The following LIMD1 variants were observed in gnomAD, a reference collection of about 807,000 sequenced individuals.
LIMD1 encodes LIM domain-containing protein 1.
In LIMD1, 23 loss-of-function variants were observed where a neutral mutation model predicts 58.4. That is an observed-to-expected ratio of 0.39 (90% CI 0.28 to 0.56). The LOEUF (loss-of-function observed/expected upper bound fraction) is 0.56. Ranked by LOEUF, LIMD1 falls within the 20% of genes least tolerant of loss-of-function variation. LIMD1 has a pLI of 0.57. For missense variants in LIMD1, 838 were observed against 855.5 expected (o/e 0.98, Z 0.25); for synonymous variants, 334 against 345.5 (o/e 0.97, Z 0.37).
intron 2 of LIMD1, among the ~76,000 whole-genome samples, chr3:45,657,965 G>A (rs1697364782): frequency 6.6e-6 from 1 of 152,182 alleles, no homozygotes; most frequent in African/African-American, 2.4e-5. Context: ...TGATGGCTTT[G>A]AGTAGGAAAT....
chr3:45,596,660 C>G (rs146924896), intron 1 of LIMD1, among the ~76,000 whole-genome samples: 154 of 152,142 alleles, frequency 1.0e-3, no homozygotes, highest in African/African-American at 3.6e-3. Flanking sequence ...CCAGCTTTCT[C>G]AGGGGCAGCT....
rs71619603 is a variant in LIMD1, at chr3:45,680,618, A to AT, written c.*3568dup. 0.091 allele frequency: 13,783 copies of AT among 151,618 alleles called. 688 individuals are homozygous for AT. Among genetic ancestry groups the AT allele is most frequent in the East Asian group, 0.15 (788 of 5,144 alleles). The allele number at this position is 151,618 out of a possible 1,614,324, so 9.4% of individuals were successfully genotyped here. On this transcript the variant is annotated 3_prime_UTR_variant, in exon 8 of 8. Coordinates refer to ENST00000273317, the MANE Select transcript of LIMD1 (RefSeq NM_014240.3). ...GCCATTAGCCACTGTACCTGGCACA[A>AT]TTTTTTTTTGTACCCTCCTTTATGC...
rs1465223514 is a variant in LIMD1 at position 45,682,841 on chromosome 3, A to G, written c.*5782A>G. The G allele has an allele frequency of 6.6e-6, 1 of 152,168 alleles. No individual in the cohort carries two copies. The highest frequency in any genetic ancestry group is 1.5e-5 in the Non-Finnish European group (1 of 68,104). 9.4% of individuals were successfully genotyped at this position (152,168 alleles called of 1,614,324 possible). On this transcript the variant is annotated 3_prime_UTR_variant, in exon 8 of 8. Coordinates refer to ENST00000273317, the MANE Select transcript of LIMD1 (RefSeq NM_014240.3). Reference sequence around the variant, plus strand: ...TCACTGCTGCTCTGTTGAAGTCTGTATTGGTTTCCTATGGCCACTCTTAAC... The same window carrying G: ...TCACTGCTGCTCTGTTGAAGTCTGTGTTGGTTTCCTATGGCCACTCTTAAC...
chr3:45,669,225 G>A (rs1349919833), intron 4 of LIMD1, among the ~76,000 whole-genome samples: 1 of 152,114 alleles, frequency 6.6e-6, no homozygotes, highest in Non-Finnish European at 1.5e-5. Flanking sequence ...TAGAGGGTTA[G>A]GTTATGAGGT....
Position 45,673,464 on chromosome 3 carries a change from C to T in LIMD1, c.1783C>T (p.Pro595Ser). 1.9e-6 allele frequency: 3 copies of T among 1,614,004 alleles called. No individual in the cohort carries two copies. Among genetic ancestry groups the T allele is most frequent in the Non-Finnish European group, 2.5e-6 (3 of 1,179,924 alleles). ...TGTTTCTCCCCACAGGGTGCTGGCC[C>T]CCAAGTGTGCAGCCTGTGGGCTTCC... ...CVRDYHKVLAPKCAACGLPIL... is the reference protein window; with the variant it reads ...CVRDYHKVLASKCAACGLPIL... The change falls in exon 6 of 8, where the codon CCC (proline) becomes TCC (serine). Residue 595 changes from proline (P) to serine (S), a missense_variant. Transcript: ENST00000273317.
At chr3:45,644,982 G>A (rs1411071905) in intron 2 of LIMD1, among the ~76,000 whole-genome samples, 1 of 152,202 alleles carries the variant, frequency 6.6e-6, no homozygotes, top group Admixed American at 6.5e-5. Context: ...CGAATTGTCC[G>A]AATATTTCTC....
At chr3:45,640,352 T>A (rs1287303452) in intron 2 of LIMD1, among the ~76,000 whole-genome samples, 1 of 152,204 alleles carries the variant, frequency 6.6e-6, no homozygotes, top group African/African-American at 2.4e-5. Flanking sequence ...CAGGAAGCCT[T>A]CCCTGTTTCC....
Position 45,596,138 on chromosome 3 carries a change from A to T in LIMD1, c.1259A>T (p.Asp420Val). The change falls in exon 1 of 8, where the codon GAC becomes GTC. Residue 420 changes from aspartate to valine, a missense_variant. By Grantham distance (152) the Asp-to-Val change is radical (BLOSUM62 -3). This residue lies in a region of LIMD1 where 659 missense variants were observed against 639.8 expected (regional missense o/e 1.03). Coordinates refer to ENST00000273317, the MANE Select transcript of LIMD1 (RefSeq NM_014240.3). ...SDGSLGSVLL[D>V]SPSSPRVRLP... Reference sequence around the variant, plus strand: ...GGTAGCCTGGGATCTGTGCTCCTGGACAGCCCCAGCTCCCCTAGGGTAAGG... The same window carrying T: ...GGTAGCCTGGGATCTGTGCTCCTGGTCAGCCCCAGCTCCCCTAGGGTAAGG... 1 of 1,614,106 alleles carries T rather than the reference A, an allele frequency of 6.2e-7. No individual in the cohort carries two copies. The highest frequency in any genetic ancestry group is 8.5e-7 in the Non-Finnish European group (1 of 1,180,026).
At chr3:45,668,639 G>A (rs1478410109) in intron 4 of LIMD1, among the ~76,000 whole-genome samples, 1 of 152,050 alleles carries the variant, frequency 6.6e-6, no homozygotes, top group Non-Finnish European at 1.5e-5. Flanking sequence ...TGTAGTCCCA[G>A]CTACTTGAGA....
intron 1 of LIMD1, among the ~76,000 whole-genome samples, chr3:45,599,983 A>G (rs1701396108): frequency 6.6e-6 from 1 of 152,194 alleles, no homozygotes; most frequent in African/African-American, 2.4e-5. Flanking sequence ...TGAAGAGACC[A>G]CATGCTCCTC....
At chr3:45,606,012 G>A (rs1376625577) in intron 1 of LIMD1, among the ~76,000 whole-genome samples, 2 of 152,242 alleles carry the variant, frequency 1.3e-5, no homozygotes, top group African/African-American at 2.4e-5. Context: ...CCATTAGGCC[G>A]TGAAGGTGGA....
At chr3:45,603,830 C>T (rs556708110) in intron 1 of LIMD1, among the ~76,000 whole-genome samples, 19 of 152,268 alleles carry the variant, frequency 1.2e-4, no homozygotes, top group African/African-American at 4.3e-4. Flanking sequence ...ACCAGGCAAT[C>T]TTCCTAAGTC....
chr3:45,679,582 T>G lies in LIMD1; in HGVS notation c.*2523T>G, dbSNP rs543055117. 2.0e-5 allele frequency: 3 copies of G among 152,314 alleles called. No individual in the cohort carries two copies. Among genetic ancestry groups the G allele is most frequent in the African/African-American group, 7.2e-5 (3 of 41,566 alleles). 9.4% of individuals were successfully genotyped at this position (152,314 alleles called of 1,614,324 possible). A position where few individuals can be genotyped will look rare whatever the true frequency, so the allele number is the denominator to read the frequency against. Reference sequence around the variant, plus strand: ...CCCTTCTGGGTTTTCTTTTTGACAATTCTTGGACTTGAGGTAAAACAAGGA... The same window carrying G: ...CCCTTCTGGGTTTTCTTTTTGACAAGTCTTGGACTTGAGGTAAAACAAGGA... On this transcript the variant is annotated 3_prime_UTR_variant, in exon 8 of 8. Transcript: ENST00000273317.
chr3:45,626,208 CTTG>C (rs1349420139), intron 1 of LIMD1, among the ~76,000 whole-genome samples: 6 of 152,318 alleles, frequency 3.9e-5, no homozygotes, highest in Non-Finnish European at 1.5e-5. Flanking sequence ...TGAACATATT[CTTG>C]TTGTATAATC....
intron 1 of LIMD1, among the ~76,000 whole-genome samples, chr3:45,629,185 G>A (rs1407888906): frequency 1.3e-5 from 2 of 152,006 alleles, no homozygotes; most frequent in African/African-American, 4.8e-5. Context: ...AGGCCGAGGC[G>A]GGCAGATCAT....
chr3:45,635,334 C>T (rs1701775214), intron 1 of LIMD1, among the ~76,000 whole-genome samples: 1 of 151,946 alleles, frequency 6.6e-6, no homozygotes, highest in Admixed American at 6.6e-5. Context: ...AGGAAGGAAT[C>T]GTGGGGCAGG....
At chr3:45,642,162 G>GA (rs1336768169) in intron 2 of LIMD1, among the ~76,000 whole-genome samples, 1 of 151,802 alleles carries the variant, frequency 6.6e-6, no homozygotes, top group African/African-American at 2.4e-5. Flanking sequence ...AAAGCTGTGA[G>GA]AAAATTGTAT....
At chr3:45,605,946 C>T (rs539594074) in intron 1 of LIMD1, among the ~76,000 whole-genome samples, 1 of 152,348 alleles carries the variant, frequency 6.6e-6, no homozygotes, top group African/African-American at 2.4e-5. Context: ...TTCTTTGTCC[C>T]AGTGCCCCAC....
chr3:45,628,547 T>A (rs1701693212), intron 1 of LIMD1, among the ~76,000 whole-genome samples: 14 of 152,222 alleles, frequency 9.2e-5, no homozygotes, highest in Admixed American at 9.2e-4. Flanking sequence ...GGAACTCTAA[T>A]GAGCTGCTGG....
Sources: gnomAD v4.1 joint callset for allele counts (sites outside exome capture counted in the v4.1 genomes callset) on GRCh38, gnomAD v4.1.1 for gene constraint, gnomAD v4.1.1 regional missense constraint, MANE v1.5 for transcripts, NCBI Gene and HGNC (gene_info 2026-07-23, HGNC 2026-07-21) for gene names.